Variants in CNTN3 observed in about 807,000 individuals in gnomAD.
The protein encoded by CNTN3 is contactin-3.
CNTN3 carries 60 observed loss-of-function variants against 119.1 expected under a neutral mutation model. The observed-to-expected ratio is 0.50, with a 90% CI of 0.41 to 0.62. The LOEUF (loss-of-function observed/expected upper bound fraction) is 0.62, where lower values mean the gene tolerates loss of function less well. CNTN3 is among the 20% of genes least tolerant of loss of function. The pLI is 0.00. For synonymous variants in CNTN3, 450 were observed against 438.7 expected (o/e 1.03, Z -0.32); for missense variants, 1,101 against 1,242.4 (o/e 0.89, Z 1.71).
intron 13 of CNTN3, among the ~76,000 whole-genome samples, chr3:74,333,466 T>A (rs1184733010): frequency 6.6e-6 from 1 of 152,170 alleles, no homozygotes; most frequent in Non-Finnish European, 1.5e-5. Flanking sequence ...GCAGCACACC[T>A]CTGTTCTGGG....
At chr3:74,493,621 A>G (rs1703007018) in intron 3 of CNTN3, among the ~76,000 whole-genome samples, 1 of 152,160 alleles carries the variant, frequency 6.6e-6, no homozygotes, top group Admixed American at 6.6e-5. Context: ...GTTTGACAGG[A>G]AAATTAGAAA....
At chr3:74,604,941 A>G (rs189709643) in intron 1 of CNTN3, among the ~76,000 whole-genome samples, 3 of 152,310 alleles carry the variant, frequency 2.0e-5, no homozygotes, top group Admixed American at 1.3e-4. Context: ...GTATATACAC[A>G]CAATGGAATA....
At chr3:74,451,358 G>T (rs1003692394) in intron 4 of CNTN3, among the ~76,000 whole-genome samples, 2 of 152,094 alleles carry the variant, frequency 1.3e-5, no homozygotes, top group African/African-American at 2.4e-5. Flanking sequence ...TTTTGATGGG[G>T]TTGTTTGTTT....
rs115046109 is a variant in CNTN3, at chr3:74,346,398, A to G, written c.1365-9740T>C. Among the ~76,000 whole-genome samples, 1,139 of 152,140 alleles carry G rather than the reference A, an allele frequency of 7.5e-3. 6 individuals are homozygous for G. The highest frequency in any genetic ancestry group is 0.026 in the African/African-American group (1,100 of 41,534). On this transcript the variant is annotated intron_variant, in intron 11 of 22. Coordinates refer to ENST00000263665, the MANE Select transcript of CNTN3 (RefSeq NM_020872.3). ...TATATTCCTTCTCAATTATATATAT[A>G]TATTTTTAGAATTTCAGACTCAAAA... is the stretch of plus-strand genomic sequence containing the variant.
chr3:74,605,861 C>T lies in CNTN3; in HGVS notation c.-81+8530G>A, dbSNP rs371309204. On this transcript the variant is annotated intron_variant, in intron 1 of 22. Transcript: ENST00000263665. ...ATTCAAGGGAAAGGGAAATGGACTC[C>T]ATTGCTTGAAGGTAAGAGTGAGTCA... 2.0e-5 allele frequency among the ~76,000 whole-genome samples: 3 copies of T among 152,122 alleles called. No homozygotes were observed. In the East Asian group the frequency reaches 5.8e-4, roughly 29 times the overall value.
chr3:74,369,827 A>C, intron 7 of CNTN3, 62 bp downstream of exon 7: 2 of 902,268 alleles, frequency 2.2e-6, no homozygotes, highest in Middle Eastern at 4.3e-4. Flanking sequence ...CTCAAAAACC[A>C]TCCTGATTTC....
At chr3:74,445,806 TA>T (rs1702039630) in intron 4 of CNTN3, among the ~76,000 whole-genome samples, 1 of 152,126 alleles carries the variant, frequency 6.6e-6, no homozygotes, top group Admixed American at 6.5e-5. Context: ...CATTGGTGTT[TA>T]AAGAAAACAG....
intron 1 of CNTN3, among the ~76,000 whole-genome samples, chr3:74,601,210 T>C (rs529475245): frequency 6.6e-6 from 1 of 151,958 alleles, no homozygotes; most frequent in Non-Finnish European, 1.5e-5. Context: ...TTACAATAGA[T>C]TTATACAGTA....
At chr3:74,300,528 C>T (rs970729741) in intron 16 of CNTN3, among the ~76,000 whole-genome samples, 10 of 152,116 alleles carry the variant, frequency 6.6e-5, no homozygotes, top group African/African-American at 2.4e-4. Flanking sequence ...GTGCTGAGCA[C>T]AGAGAGGATG....
At chr3:74,424,542 A>C (rs1197033771) in intron 5 of CNTN3, among the ~76,000 whole-genome samples, 4 of 152,052 alleles carry the variant, frequency 2.6e-5, no homozygotes, top group Non-Finnish European at 5.9e-5. Context: ...ACATGGCATA[A>C]AACTAAAAAC....
intron 5 of CNTN3, among the ~76,000 whole-genome samples, chr3:74,383,955 C>T (rs1383217298): frequency 3.9e-5 from 6 of 152,212 alleles, no homozygotes; most frequent in Non-Finnish European, 8.8e-5. Context: ...GACTTCAAAG[C>T]AGTGGCTCAG....
At chr3:74,516,131 C>A (rs1010156062) in intron 2 of CNTN3, among the ~76,000 whole-genome samples, 3 of 152,014 alleles carry the variant, frequency 2.0e-5, no homozygotes, top group Admixed American at 1.3e-4. Flanking sequence ...TCTACTGAGT[C>A]AATAACAAGC....
chr3:74,422,645 A>G (rs769408103), intron 5 of CNTN3, among the ~76,000 whole-genome samples: 1 of 152,228 alleles, frequency 6.6e-6, no homozygotes, highest in Admixed American at 6.5e-5. Context: ...GTATCTAATC[A>G]TAATAATACT....
chr3:74,380,608 T>C lies in CNTN3; in HGVS notation c.455-9209A>G, dbSNP rs547045902. Among the ~76,000 whole-genome samples the C allele has an allele frequency of 3.9e-5, 6 of 152,344 alleles. 1 individual carries two copies. Among genetic ancestry groups the C allele is most frequent in the African/African-American group, 1.4e-4 (6 of 41,582 alleles). On this transcript the variant is annotated intron_variant, in intron 5 of 22. Transcript: ENST00000263665. Reference sequence around the variant, plus strand: ...AATTTTCTTTAGTACAACCTAACTATGGAAAGCCCATCCTTTAATGAATCC... The same window carrying C: ...AATTTTCTTTAGTACAACCTAACTACGGAAAGCCCATCCTTTAATGAATCC...
Position 74,430,345 on chromosome 3 carries a change from T to C in CNTN3, c.359-5405A>G, listed in dbSNP as rs1413757475. ...GAAATCTTTATACACCCAACCCCTT[T>C]GGTAAATCTTCAGGAAATTATGCTG... is the stretch of plus-strand genomic sequence containing the variant. On this transcript the variant is annotated intron_variant, in intron 4 of 22. Transcript: ENST00000263665. 2.6e-4 allele frequency among the ~76,000 whole-genome samples: 40 copies of C among 152,212 alleles called. 1 individual carries two copies. Among genetic ancestry groups the C allele is most frequent in the Admixed American group, 2.6e-3 (39 of 15,278 alleles).
chr3:74,383,349 G>A (rs931395303), intron 5 of CNTN3, among the ~76,000 whole-genome samples: 6 of 152,058 alleles, frequency 3.9e-5, no homozygotes, highest in Middle Eastern at 3.2e-3. Context: ...TAATAGATGC[G>A]TGTTGAATGG....
At chr3:74,322,711 A>G (rs980812477) in intron 13 of CNTN3, among the ~76,000 whole-genome samples, 1 of 152,212 alleles carries the variant, frequency 6.6e-6, no homozygotes, top group African/African-American at 2.4e-5. Flanking sequence ...TAGCAGCTTT[A>G]TTCATAATTG....
chr3:74,326,395 T>C (rs1050545295), intron 13 of CNTN3, among the ~76,000 whole-genome samples: 2 of 152,178 alleles, frequency 1.3e-5, no homozygotes, highest in Admixed American at 1.3e-4. Flanking sequence ...TTTAGATATA[T>C]GTATGAGATA....
At chr3:74,401,195 A>G (rs1358521964) in intron 5 of CNTN3, among the ~76,000 whole-genome samples, 1 of 152,174 alleles carries the variant, frequency 6.6e-6, no homozygotes, top group Non-Finnish European at 1.5e-5. Flanking sequence ...AATGCATTCT[A>G]GTTCCACAGC....
Sources: gnomAD v4.1 joint callset for allele counts (sites outside exome capture counted in the v4.1 genomes callset) on GRCh38, gnomAD v4.1.1 for gene constraint, MANE v1.5 for transcripts, NCBI Gene and HGNC (gene_info 2026-07-23, HGNC 2026-07-21) for gene names.